Variants in CREBBP observed in about 807,000 individuals in gnomAD.
CREBBP encodes the protein CREB binding lysine acetyltransferase.
A neutral mutation model predicts 265.0 loss-of-function variants in CREBBP; 19 were observed. The ratio of observed to expected loss-of-function variants is 0.07; its 90% confidence interval spans 0.05 to 0.11. The LOEUF (loss-of-function observed/expected upper bound fraction) is 0.11. CREBBP is among the 10% of genes least tolerant of loss of function. CREBBP has a pLI of 1.00. For synonymous variants in CREBBP, 1,457 were observed against 1,223.7 expected (o/e 1.19, Z -3.98); for missense variants, 2,525 against 3,219.0 (o/e 0.78, Z 5.22).
At chr16:3,755,403 A>G (rs1389115392) in intron 19 of CREBBP, among the ~76,000 whole-genome samples, 2 of 152,230 alleles carry the variant, frequency 1.3e-5, no homozygotes, top group Non-Finnish European at 2.9e-5. Context: ...GCAACGTAGC[A>G]GGGGTGGCAT....
In CREBBP at chr16:3,812,393, G is replaced by T. The variant is rs367859774; in HGVS notation, c.799-1614C>A. 1.2e-3 allele frequency among the ~76,000 whole-genome samples: 189 copies of T among 152,014 alleles called. 7 individuals carry two copies. The South Asian group carries it at 0.038, about 30-fold the overall frequency. ...AAAGTTTCATCATGTTGGCCAAGCT[G>T]GTCTTGAACTCCTGACCTCAGGTGA... On this transcript the variant is annotated intron_variant, in intron 2 of 30. Transcript: ENST00000262367.
intron 9 of CREBBP, 80 bp downstream of exon 9, chr16:3,778,620 T>C (rs2053200151): frequency 2.5e-6 from 3 of 1,189,034 alleles, no homozygotes; most frequent in African/African-American, 3.0e-5. Context: ...TTCCACTATT[T>C]CCAGATAACA....
At chr16:3,852,690 A>G (rs1309735892) in intron 1 of CREBBP, among the ~76,000 whole-genome samples, 1 of 152,214 alleles carries the variant, frequency 6.6e-6, no homozygotes, top group Non-Finnish European at 1.5e-5. Context: ...ACTCCCGACT[A>G]TAAATGGACA....
At chr16:3,874,508 A>G (rs2055360686) in intron 1 of CREBBP, among the ~76,000 whole-genome samples, 1 of 152,120 alleles carries the variant, frequency 6.6e-6, no homozygotes, top group Non-Finnish European at 1.5e-5. Context: ...AGCCAGGCCC[A>G]CTCGCCTATG....
chr16:3,758,974 T>C lies in CREBBP; in HGVS notation c.3251-2A>G, dbSNP rs1329187666. 1 of 1,604,226 alleles carries C rather than the reference T, an allele frequency of 6.2e-7. No homozygotes were observed. The highest frequency in any genetic ancestry group is 8.5e-7 in the Non-Finnish European group (1 of 1,171,794). On this transcript the variant is annotated splice_acceptor_variant, in intron 16 of 30. Coordinates refer to ENST00000262367, the MANE Select transcript of CREBBP (RefSeq NM_004380.3). LOFTEE classifies it high-confidence loss of function. ...GGCGTAACTCCTCTGGTTTAAAGAC[T>C]GCAGAGAAAACATCAAGAAAAGACA...
At position 3,850,539 on chromosome 16, in the gene CREBBP, G is replaced by A. The variant is rs1457107041; in HGVS notation, c.556C>T (p.Pro186Ser). 1.2e-6 allele frequency: 2 copies of A among 1,614,234 alleles called. No homozygotes were observed. Among genetic ancestry groups the A allele is most frequent in the East Asian group, 2.2e-5 (1 of 44,890 alleles). The change falls in exon 2 of 31, where the codon CCA becomes TCA. Residue 186 changes from proline to serine, a missense_variant. By Grantham distance (74) the Pro-to-Ser change is moderately conservative. Around this residue, in one of 19 missense-constraint regions of CREBBP, gnomAD observed 356 missense variants for 340.4 expected, o/e 1.05. Transcript: ENST00000262367. ...CMNANFNQTHPGLLNSNSGHS... is the reference protein window; with the variant it reads ...CMNANFNQTHSGLLNSNSGHS... ...CCAGAGTTACTATTGAGGAGGCCTG[G>A]GTGGGTCTGGTTAAAGTTAGCATTC...
chr16:3,821,287 C>T (rs1269491090), intron 2 of CREBBP, among the ~76,000 whole-genome samples: 2 of 152,196 alleles, frequency 1.3e-5, no homozygotes, highest in African/African-American at 4.8e-5. Context: ...CAGTGAGTGA[C>T]AACTGAGGGT....
intron 28 of CREBBP, among the ~76,000 whole-genome samples, chr16:3,732,548 A>G (rs1268731156): frequency 2.0e-5 from 3 of 152,056 alleles, no homozygotes; most frequent in African/African-American, 7.2e-5. Flanking sequence ...CCACTCACTT[A>G]CACTTTAACA....
intron 3 of CREBBP, among the ~76,000 whole-genome samples, chr16:3,796,222 C>T (rs1450530456): frequency 6.6e-6 from 1 of 152,148 alleles, no homozygotes; most frequent in East Asian, 1.9e-4. Flanking sequence ...CAACAATTAA[C>T]ACACTGATTT....
intron 1 of CREBBP, among the ~76,000 whole-genome samples, chr16:3,875,899 C>T (rs954438428): frequency 1.3e-5 from 2 of 152,168 alleles, no homozygotes; most frequent in East Asian, 1.9e-4. Flanking sequence ...CAACCATATT[C>T]GCCACCAGCT....
At chr16:3,811,380 G>A (rs1187142705) in intron 2 of CREBBP, among the ~76,000 whole-genome samples, 1 of 152,168 alleles carries the variant, frequency 6.6e-6, no homozygotes, top group Non-Finnish European at 1.5e-5. Context: ...AAGAGATCAA[G>A]ACCAGCACCT....
intron 21 of CREBBP, 132 bp from the exon 22 acceptor site, chr16:3,745,486 T>A: frequency 1.3e-6 from 1 of 763,810 alleles, no homozygotes; most frequent in East Asian, 2.7e-5. Flanking sequence ...AATGCGTGTG[T>A]TGGCTGATTC....
At chr16:3,822,578 T>C (rs1665798449) in intron 2 of CREBBP, among the ~76,000 whole-genome samples, 1 of 152,068 alleles carries the variant, frequency 6.6e-6, no homozygotes, top group South Asian at 2.1e-4. Context: ...TGCCTGAGGG[T>C]TCTGTGTCAT....
rs1043627719 is a variant in CREBBP, at chr16:3,747,544, G to C, written c.3836+2083C>G. Among the ~76,000 whole-genome samples the C allele has an allele frequency of 2.0e-5, 3 of 152,176 alleles. No individual in the cohort carries two copies. The East Asian group carries it at 5.8e-4, about 29-fold the overall frequency. ...TCACTTGTACTGTCTCCTGCTGCAG[G>C]CTGTGCCATTACCCAGCTGTCTCTC... is the stretch of plus-strand genomic sequence containing the variant. On this transcript the variant is annotated intron_variant, in intron 21 of 30. Transcript: ENST00000262367.
chr16:3,785,574 G>A (rs1256204855), intron 5 of CREBBP, among the ~76,000 whole-genome samples: 1 of 152,224 alleles, frequency 6.6e-6, no homozygotes, highest in African/African-American at 2.4e-5. Context: ...TCCAGGGGAC[G>A]TGCCAGCTAT....
Position 3,869,849 on chromosome 16 carries a change from G to A in CREBBP, c.85+9983C>T, listed in dbSNP as rs374252925. ...ATCCGTTCTCCCCTAAAGTTTCAGT[G>A]ACTGAGAAAGCCATCAGTGAAAGCA... is the stretch of plus-strand genomic sequence containing the variant. On this transcript the variant is annotated intron_variant, in intron 1 of 30. Coordinates refer to ENST00000262367, the MANE Select transcript of CREBBP (RefSeq NM_004380.3). Among the ~76,000 whole-genome samples, 4 of 152,222 alleles carry A rather than the reference G, an allele frequency of 2.6e-5. No homozygotes were observed. The East Asian group carries it at 5.8e-4, about 22-fold the overall frequency.
intron 3 of CREBBP, among the ~76,000 whole-genome samples, chr16:3,803,231 G>GTA (rs1243291156): frequency 4.2e-4 from 57 of 134,514 alleles, no homozygotes; most frequent in African/African-American, 1.5e-3. Context: ...GCTCACGCCT[G>GTA]TAATCCCAGC....
At chr16:3,768,274 T>G (rs1008109348) in intron 15 of CREBBP, among the ~76,000 whole-genome samples, 33 of 145,294 alleles carry the variant, frequency 2.3e-4, no homozygotes, top group African/African-American at 8.2e-4. Flanking sequence ...GCCTCCCGAG[T>G]AGCTGGGATT....
At chr16:3,830,906 T>G (rs2054330456) in intron 2 of CREBBP, among the ~76,000 whole-genome samples, 1 of 152,086 alleles carries the variant, frequency 6.6e-6, no homozygotes, top group Non-Finnish European at 1.5e-5. Context: ...CTCAGCCCCC[T>G]CAAGCAGCTG....
Sources: allele counts gnomAD v4.1 joint callset (sites outside exome capture counted in the v4.1 genomes callset), GRCh38; gene constraint gnomAD v4.1.1; regional missense constraint gnomAD v4.1.1; transcripts MANE v1.5; gene names NCBI Gene and HGNC (gene_info 2026-07-23, HGNC 2026-07-21).